The following NIBAN2 variants were observed in gnomAD, a reference collection of about 807,000 sequenced individuals.
NIBAN2 encodes niban apoptosis regulator 2.
NIBAN2 carries 36 observed loss-of-function variants against 81.8 expected under a neutral mutation model. The ratio of observed to expected loss-of-function variants is 0.44; its 90% CI spans 0.34 to 0.58. NIBAN2 has a LOEUF of 0.58. Ranked by LOEUF, NIBAN2 falls within the 20% of genes least tolerant of loss-of-function variation. NIBAN2 has a pLI of 0.02. For synonymous variants in NIBAN2, 445 were observed against 441.6 expected (o/e 1.01, Z -0.10); for missense variants, 897 against 1,014.1 (o/e 0.88, Z 1.57).
chr9:127,538,828 C>T (rs1281671501), intron 1 of NIBAN2, among the ~76,000 whole-genome samples: 4 of 151,116 alleles, frequency 2.6e-5, no homozygotes, highest in Non-Finnish European at 5.9e-5. Context: ...GCCTGTAATC[C>T]CAGCTACTTG....
In NIBAN2 at chr9:127,536,252, G is replaced by C. The variant is rs1837276610; in HGVS notation, c.56-4474C>G. ...GTGTGGAGGCCAGAGGGACCCAAAA[G>C]GCCAGCAGCATTGGGAGGGGGCCAG... On this transcript the variant is annotated intron_variant, in intron 1 of 13. Transcript: ENST00000373312. This position sits in a 1 kb window ranked among gnomAD's most constrained non-coding sequence, Gnocchi z 4.0. Among the ~76,000 whole-genome samples, 1 of 152,190 alleles carries C rather than the reference G, an allele frequency of 6.6e-6. No individual in the cohort carries two copies.
intron 2 of NIBAN2, 88 bp downstream of exon 2, chr9:127,531,560 A>T: frequency 7.5e-7 from 1 of 1,340,662 alleles, no homozygotes; most frequent in Non-Finnish European, 1.0e-6. Context: ...ACAATGGGAA[A>T]CTGAGGCCCA....
chr9:127,550,761 G>T (rs1837560517), intron 1 of NIBAN2, among the ~76,000 whole-genome samples: 1 of 151,544 alleles, frequency 6.6e-6, no homozygotes, highest in Non-Finnish European at 1.5e-5. Context: ...ATAGGGCTGG[G>T]TTTGGGGCTG....
intron 1 of NIBAN2, chr9:127,561,334 C>T (rs1310417754): frequency 4.1e-6 from 4 of 978,800 alleles, no homozygotes; most frequent in African/African-American, 1.8e-5. Context: ...AGGGGATGCA[C>T]GAGGCCACAG....
At chr9:127,522,100 G>T (rs974699302) in intron 5 of NIBAN2, among the ~76,000 whole-genome samples, 9 of 152,276 alleles carry the variant, frequency 5.9e-5, no homozygotes, top group African/African-American at 2.2e-4. Flanking sequence ...CCCTGGGCCA[G>T]GCAGCCAGAG....
chr9:127,539,256 C>A (rs1227597040), intron 1 of NIBAN2, among the ~76,000 whole-genome samples: 1 of 152,146 alleles, frequency 6.6e-6, no homozygotes, highest in Non-Finnish European at 1.5e-5. Context: ...AAAGCCTGCA[C>A]AGAGCCCTAC....
chr9:127,553,993 G>A (rs1414708326), intron 1 of NIBAN2, among the ~76,000 whole-genome samples: 3 of 152,012 alleles, frequency 2.0e-5, no homozygotes, highest in African/African-American at 4.8e-5. Context: ...CCCCACCCAC[G>A]CCCGGCCTTC....
chr9:127,528,529 C>T (rs1341515540), intron 2 of NIBAN2, among the ~76,000 whole-genome samples: 2 of 152,174 alleles, frequency 1.3e-5, no homozygotes, highest in Admixed American at 6.5e-5. Context: ...TCTCTCCACC[C>T]CCTTCACCAT....
At chr9:127,527,146 A>T (rs922245583) in intron 3 of NIBAN2, 48 bp downstream of exon 3, 2 of 1,603,118 alleles carry the variant, frequency 1.2e-6, no homozygotes, top group Non-Finnish European at 8.5e-7. Context: ...GGGGGCACAC[A>T]TGGAGAAAGC....
chr9:127,527,651 C>T (rs951219258), intron 2 of NIBAN2, among the ~76,000 whole-genome samples: 4 of 152,202 alleles, frequency 2.6e-5, no homozygotes, highest in African/African-American at 7.2e-5. Flanking sequence ...GGGCTGTCAC[C>T]GCTACCTTGG....
chr9:127,558,598 G>A (rs976107210), intron 1 of NIBAN2, among the ~76,000 whole-genome samples: 1 of 152,208 alleles, frequency 6.6e-6, no homozygotes, highest in Non-Finnish European at 1.5e-5. Flanking sequence ...GGCAGGGCTA[G>A]GGGAGGTGTG....
chr9:127,532,113 C>T (rs1343583688), intron 1 of NIBAN2, among the ~76,000 whole-genome samples: 2 of 152,180 alleles, frequency 1.3e-5, no homozygotes, highest in East Asian at 1.9e-4. Flanking sequence ...GAGCTGGGGG[C>T]GCCAGGAATG....
chr9:127,529,591 G>A (rs898961401), intron 2 of NIBAN2, among the ~76,000 whole-genome samples: 1 of 152,196 alleles, frequency 6.6e-6, no homozygotes, highest in African/African-American at 2.4e-5. Flanking sequence ...AGTGAGCCGA[G>A]ACTGTGCCAC....
chr9:127,508,447 T>A lies in NIBAN2; in HGVS notation c.1409A>T (p.Gln470Leu), dbSNP rs1836658668. 1 of 1,612,950 alleles carries A rather than the reference T, an allele frequency of 6.2e-7. No individual in the cohort carries two copies. Reference sequence around the variant, plus strand: ...CTTCAGCACCCGCTCCAGGACCCGCTGGATGGACTTGCACAGCTCCTCCTT... The same window carrying A: ...CTTCAGCACCCGCTCCAGGACCCGCAGGATGGACTTGCACAGCTCCTCCTT... ...PTKEELCKSI[Q>L]RVLERVLKKY... Residue 470 changes from glutamine to leucine, a missense_variant, in exon 11 of 14, where the codon CAG (glutamine) becomes CTG (leucine). Coordinates refer to ENST00000373312, the MANE Select transcript of NIBAN2 (RefSeq NM_022833.4). The surrounding 1 kb of genome is among the most constrained non-coding windows in gnomAD (Gnocchi z 6.4).
chr9:127,530,741 C>G (rs779871500), intron 2 of NIBAN2, among the ~76,000 whole-genome samples: 1 of 152,216 alleles, frequency 6.6e-6, no homozygotes, highest in South Asian at 2.1e-4. Context: ...AACTGAGGCT[C>G]TTACTGGAGG....
At chr9:127,554,548 C>CTTTCTT (rs1837632346) in intron 1 of NIBAN2, among the ~76,000 whole-genome samples, 86 of 103,644 alleles carry the variant, frequency 8.3e-4, no homozygotes, top group South Asian at 1.4e-3. Context: ...TTTTCTTTTT[C>CTTTCTT]TTTTTTTTTT....
In NIBAN2 at chr9:127,563,900, G is replaced by C. The variant is rs1037787606; in HGVS notation, c.55+4920C>G. ...TTAAGACACCCTTCTTCTCATATCT[G>C]GTTGTCAAAAGGATGAAAATGCTCA... On this transcript the variant is annotated intron_variant, in intron 1 of 13. Transcript: ENST00000373312. The surrounding 1 kb of genome is among the most constrained non-coding windows in gnomAD (Gnocchi z 4.1). Among the ~76,000 whole-genome samples, 2 of 152,110 alleles carry C rather than the reference G, an allele frequency of 1.3e-5. No homozygotes were observed. Among genetic ancestry groups the C allele is most frequent in the Non-Finnish European group, 2.9e-5 (2 of 68,020 alleles).
At chr9:127,568,390 G>C (rs1469212058) in intron 1 of NIBAN2, among the ~76,000 whole-genome samples, 5 of 152,208 alleles carry the variant, frequency 3.3e-5, no homozygotes, top group African/African-American at 1.2e-4. Context: ...CTGGGGACGG[G>C]ACGGCTGGGG....
rs763021362 is a variant in NIBAN2 at position 127,578,958 on chromosome 9, A to G, written c.-21T>C. The stretch of plus-strand genomic sequence containing the variant: ...CCCATCCTCCAGAGTGAGAGCCCCA[A>G]AAGGAAGGGACCGGAACTGGCCCAG... On this transcript the variant is annotated 5_prime_UTR_variant, in exon 1 of 14. Coordinates refer to the NIBAN2 transcript ENST00000373314. 3.1e-6 allele frequency: 5 copies of G among 1,607,868 alleles called. No homozygotes were observed. In the Admixed American group the frequency reaches 6.7e-5, roughly 22 times the overall value.
Sources: gnomAD v4.1 joint callset for allele counts (sites outside exome capture counted in the v4.1 genomes callset) on GRCh38, gnomAD v4.1.1 for gene constraint, Gnocchi (gnomAD v3.1) non-coding constraint, MANE v1.5 for transcripts, NCBI Gene and HGNC (gene_info 2026-07-23, HGNC 2026-07-21) for gene names.